Variants in KANSL1L observed in about 807,000 individuals in gnomAD.
KANSL1L encodes the protein KAT8 regulatory NSL complex subunit 1 like, also known as KAT8 regulatory NSL complex subunit 1-like protein.
In KANSL1L, 25 loss-of-function variants were observed where a neutral mutation model predicts 108.6. That is an observed-to-expected ratio of 0.23 (90% CI 0.17 to 0.32). The LOEUF (loss-of-function observed/expected upper bound fraction) is 0.32. KANSL1L is among the 10% of genes least tolerant of loss of function. KANSL1L has a pLI of 1.00. For synonymous variants in KANSL1L, 405 were observed against 395.1 expected, an observed-to-expected ratio of 1.03 and a Z score of -0.30; for missense variants, 1,137 against 1,125.7, an observed-to-expected ratio of 1.01 and a Z score of -0.14.
In KANSL1L at chr2:210,153,571, C is replaced by G. The variant is rs762421124; in HGVS notation, c.1012G>C (p.Gly338Arg). 4.4e-5 allele frequency: 71 copies of G among 1,613,892 alleles called. No homozygotes were observed. Among genetic ancestry groups the G allele is most frequent in the East Asian group, 2.2e-5 (1 of 44,870 alleles). Residue 338 changes from glycine to arginine, a missense_variant, in exon 2 of 15, where the codon GGT (glycine) becomes CGT (arginine). Transcript: ENST00000281772. ...CTATCAGTTGCATCGGAATCCAAAC[C>G]CTCTTCAACATGAGACAACAGCCCT... ...ATGLLSHVEE[G>R]LDSDATDSSS...
At chr2:210,051,898 C>T (rs1001306689) in intron 6 of KANSL1L, among the ~76,000 whole-genome samples, 2 of 151,514 alleles carry the variant, frequency 1.3e-5, no homozygotes, top group Admixed American at 1.3e-4. Flanking sequence ...TGTATAATTT[C>T]TCTTTGTGTT....
chr2:210,064,510 T>A (rs768749913), intron 6 of KANSL1L, among the ~76,000 whole-genome samples: 2 of 152,076 alleles, frequency 1.3e-5, no homozygotes, highest in Non-Finnish European at 2.9e-5. Flanking sequence ...TCCATCTTAC[T>A]GCTCTAGTAG....
chr2:210,140,280 C>A (rs1273165592), intron 2 of KANSL1L, among the ~76,000 whole-genome samples: 1 of 152,092 alleles, frequency 6.6e-6, no homozygotes, highest in African/African-American at 2.4e-5. Context: ...GAAGCTTTTT[C>A]TGTTTTATTC....
At chr2:210,057,276 C>T (rs1260564531) in intron 6 of KANSL1L, among the ~76,000 whole-genome samples, 1 of 152,154 alleles carries the variant, frequency 6.6e-6, no homozygotes, top group African/African-American at 2.4e-5. Flanking sequence ...GTGGGACTTG[C>T]CTGCAATCCC....
intron 2 of KANSL1L, among the ~76,000 whole-genome samples, chr2:210,142,259 T>G (rs372864550): frequency 1.2e-3 from 179 of 152,190 alleles, no homozygotes; most frequent in African/African-American, 3.9e-3. Flanking sequence ...AATTTATACA[T>G]TTTTAGGTTA....
chr2:210,141,157 CCTCT>C (rs1025736948), intron 2 of KANSL1L, among the ~76,000 whole-genome samples: 2 of 86,952 alleles, frequency 2.3e-5, no homozygotes, highest in African/African-American at 7.3e-5. Context: ...CTTCCCCACT[CCTCT>C]CTGTTTTCTT....
intron 6 of KANSL1L, among the ~76,000 whole-genome samples, chr2:210,073,606 T>C (rs1032882195): frequency 1.3e-5 from 2 of 152,122 alleles, no homozygotes; most frequent in Non-Finnish European, 2.9e-5. Flanking sequence ...TAGCTACATG[T>C]GTCTAGGAGC....
chr2:210,132,269 A>G (rs2095128613), intron 2 of KANSL1L, among the ~76,000 whole-genome samples: 1 of 152,202 alleles, frequency 6.6e-6, no homozygotes, highest in Non-Finnish European at 1.5e-5. Flanking sequence ...CTTACAGTGT[A>G]ACCAAATAGC....
Position 210,053,937 on chromosome 2 carries a change from T to C in KANSL1L, c.1756-9833A>G, listed in dbSNP as rs180874932. 2.4e-4 allele frequency among the ~76,000 whole-genome samples: 37 copies of C among 152,214 alleles called. No individual in the cohort carries two copies. In the East Asian group the frequency reaches 4.2e-3, roughly 17 times the overall value. ...CAGAAAAATGGGCAAAGGATATAGT[T>C]AGTCAGTTTACAGAAAGAAAATATA... On this transcript the variant is annotated intron_variant, in intron 6 of 14. Transcript: ENST00000281772.
At chr2:210,150,782 TAA>T (rs762951836) in intron 2 of KANSL1L, among the ~76,000 whole-genome samples, 16 of 116,356 alleles carry the variant, frequency 1.4e-4, no homozygotes, top group Non-Finnish European at 2.4e-4. Context: ...AACTCCATCT[TAA>T]AAAAAAAAAA....
At chr2:210,092,408 A>C (rs1303510706) in intron 5 of KANSL1L, among the ~76,000 whole-genome samples, 1 of 152,084 alleles carries the variant, frequency 6.6e-6, no homozygotes, top group Non-Finnish European at 1.5e-5. Context: ...CTTCTATGTC[A>C]CACATTCTCT....
At chr2:210,056,898 T>C (rs1259753606) in intron 6 of KANSL1L, among the ~76,000 whole-genome samples, 1 of 152,250 alleles carries the variant, frequency 6.6e-6, no homozygotes. Context: ...GAGCTGTCCC[T>C]GTGTCCCAAA....
At chr2:210,166,077 G>T (rs1164981169) in intron 1 of KANSL1L, among the ~76,000 whole-genome samples, 7 of 152,102 alleles carry the variant, frequency 4.6e-5, no homozygotes, top group Admixed American at 2.0e-4. Flanking sequence ...TACCACTGGG[G>T]ATCTGAAACA....
At chr2:210,093,028 T>A (rs1467405971) in intron 5 of KANSL1L, among the ~76,000 whole-genome samples, 7 of 152,226 alleles carry the variant, frequency 4.6e-5, no homozygotes, top group Non-Finnish European at 8.8e-5. Context: ...CCAATGTACC[T>A]TTACTGTAAT....
chr2:210,091,473 C>A (rs2094692601), intron 5 of KANSL1L, among the ~76,000 whole-genome samples: 1 of 152,092 alleles, frequency 6.6e-6, no homozygotes, highest in East Asian at 1.9e-4. Context: ...GCAATAACTC[C>A]CCTTACTCTT....
At chr2:210,057,256 G>T (rs2094361772) in intron 6 of KANSL1L, among the ~76,000 whole-genome samples, 1 of 152,108 alleles carries the variant, frequency 6.6e-6, no homozygotes, top group Non-Finnish European at 1.5e-5. Context: ...ACAAAAATTA[G>T]GTGGGCATGG....
intron 6 of KANSL1L, among the ~76,000 whole-genome samples, chr2:210,072,431 C>A (rs773643278): frequency 1.3e-5 from 2 of 152,198 alleles, no homozygotes; most frequent in African/African-American, 2.4e-5. Flanking sequence ...TGCCCCCTGG[C>A]AACTGGCAGG....
chr2:210,078,268 G>T (rs557919044), intron 5 of KANSL1L, among the ~76,000 whole-genome samples: 2 of 152,032 alleles, frequency 1.3e-5, no homozygotes, highest in South Asian at 4.2e-4. Context: ...TAATCTTATG[G>T]GACCACTGTT....
chr2:210,108,641 C>A (rs2094874539), intron 3 of KANSL1L, among the ~76,000 whole-genome samples: 2 of 152,198 alleles, frequency 1.3e-5, no homozygotes, highest in Non-Finnish European at 2.9e-5. Flanking sequence ...GAAATTATAT[C>A]CTTTATGGAA....
Sources: gnomAD v4.1 joint callset for allele counts (sites outside exome capture counted in the v4.1 genomes callset) on GRCh38, gnomAD v4.1.1 for gene constraint, MANE v1.5 for transcripts, NCBI Gene and HGNC (gene_info 2026-07-23, HGNC 2026-07-21) for gene names.